Variants in FOLH1 observed in about 807,000 individuals in gnomAD.
FOLH1 encodes the protein glutamate carboxypeptidase 2.
A neutral mutation model predicts 93.9 loss-of-function variants in FOLH1; 54 were observed. That is an observed-to-expected ratio of 0.57 (90% CI 0.46 to 0.72). The LOEUF is 0.72. Ranked by LOEUF, FOLH1 falls within the 30% of genes least tolerant of loss-of-function variation. FOLH1 has a pLI of 0.00. For missense variants in FOLH1, 571 were observed against 892.5 expected (o/e 0.64, Z 4.59); for synonymous variants, 249 against 303.6 (o/e 0.82, Z 1.87).
chr11:49,166,995 A>G (rs1285811579), intron 12 of FOLH1, among the ~76,000 whole-genome samples: 1 of 151,702 alleles, frequency 6.6e-6, no homozygotes, highest in Non-Finnish European at 1.5e-5. Context: ...ACTATCCTGG[A>G]CAATACTACA....
chr11:49,160,504 G>A (rs202725), intron 13 of FOLH1, among the ~76,000 whole-genome samples: 2,801 of 151,748 alleles, frequency 0.018, 52 homozygotes, highest in Admixed American at 0.063. Context: ...GTGCAGTGAC[G>A]TGATCTCAGC....
chr11:49,173,606 A>G (rs1171356813), intron 9 of FOLH1, 130 bp from the exon 10 acceptor site: 1 of 939,346 alleles, frequency 1.1e-6, no homozygotes, highest in East Asian at 2.9e-5. Context: ...GTTCCCCAAG[A>G]TTTGTGAAAA....
chr11:49,194,630 T>C (rs938269935), intron 3 of FOLH1, among the ~76,000 whole-genome samples: 90 of 152,076 alleles, frequency 5.9e-4, no homozygotes, highest in African/African-American at 2.1e-3. Context: ...CTAAATATTG[T>C]ATATCAGAAT....
At chr11:49,166,333 T>C in intron 12 of FOLH1, among the ~76,000 whole-genome samples, 1 of 152,214 alleles carries the variant, frequency 6.6e-6, no homozygotes, top group East Asian at 1.9e-4. Context: ...GAGTCTAAGC[T>C]CAACCCTTCA....
chr11:49,173,448 C>T lies in FOLH1; in HGVS notation c.1134G>A (p.Arg378=), dbSNP rs1337531424. The T allele has an allele frequency of 1.2e-6, 2 of 1,608,604 alleles. No individual in the cohort carries two copies. The highest frequency in any genetic ancestry group is 1.3e-5 in the African/African-American group (1 of 74,802). Residue 378 remains arginine (R), a synonymous_variant, in exon 10 of 19, where the codon CGG becomes CGA. Coordinates refer to ENST00000256999, the MANE Select transcript of FOLH1 (RefSeq NM_004476.3). ...PDRYVILGGH[R]DSWVFGGIDP... Reference sequence around the variant, plus strand: ...CAATACCACCAAACACCCATGAGTCCCGGTGACCTCCCAGAATGACATATC... The same window carrying T: ...CAATACCACCAAACACCCATGAGTCTCGGTGACCTCCCAGAATGACATATC...
intron 15 of FOLH1, among the ~76,000 whole-genome samples, chr11:49,156,282 T>G (rs931675724): frequency 6.6e-6 from 1 of 152,146 alleles, no homozygotes; most frequent in Non-Finnish European, 1.5e-5. Context: ...TAATGACTTG[T>G]TATTTGTTTA....
At chr11:49,165,915 G>T (rs1327811856) in intron 12 of FOLH1, among the ~76,000 whole-genome samples, 3 of 152,168 alleles carry the variant, frequency 2.0e-5, no homozygotes, top group Non-Finnish European at 4.4e-5. Context: ...TTGGGGAGTG[G>T]AGTAGTTTGG....
intron 17 of FOLH1, 27 bp downstream of exon 17, chr11:49,153,819 A>G: frequency 6.7e-7 from 1 of 1,487,664 alleles, no homozygotes; most frequent in Non-Finnish European, 9.1e-7. Context: ...ACACATACAC[A>G]CATATGCACA....
intron 1 of FOLH1, chr11:49,207,944 CAAACAAACAAAACAAAACA>C: frequency 8.2e-6 from 4 of 485,910 alleles, no homozygotes; most frequent in Non-Finnish European, 1.5e-5. Context: ...AAAAAACAAA[CAAACAAACAAAACAAAACA>C]AAACAAAACA....
intron 7 of FOLH1, among the ~76,000 whole-genome samples, chr11:49,177,685 C>T (rs1291026454): frequency 7.3e-5 from 11 of 150,796 alleles, no homozygotes; most frequent in African/African-American, 2.0e-4. Context: ...CGGTGGCTCA[C>T]GCCTGTAATC....
intron 3 of FOLH1, among the ~76,000 whole-genome samples, chr11:49,193,414 G>T (rs113021931): frequency 1.1e-4 from 16 of 152,216 alleles, no homozygotes; most frequent in African/African-American, 3.9e-4. Flanking sequence ...AACTTGTAAG[G>T]ACTAGCTTTC....
At chr11:49,173,238 T>C in intron 10 of FOLH1, 119 bp downstream of exon 10, 1 of 1,084,744 alleles carries the variant, frequency 9.2e-7, no homozygotes, top group Non-Finnish European at 1.2e-6. Flanking sequence ...CTGAAAATTG[T>C]ATTAGTATTT....
At chr11:49,180,349 C>T (rs1283579844) in intron 7 of FOLH1, among the ~76,000 whole-genome samples, 2 of 152,110 alleles carry the variant, frequency 1.3e-5, no homozygotes, top group Admixed American at 1.3e-4. Context: ...AAATTAAAAC[C>T]ACATAATCAC....
intron 13 of FOLH1, among the ~76,000 whole-genome samples, chr11:49,161,087 G>A (rs578256474): frequency 1.3e-3 from 201 of 152,300 alleles, no homozygotes; most frequent in Middle Eastern, 6.8e-3. Context: ...GGGCTGATGA[G>A]AAGAATGTCT....
intron 12 of FOLH1, among the ~76,000 whole-genome samples, chr11:49,165,671 A>C (rs1858303281): frequency 6.6e-6 from 1 of 152,250 alleles, no homozygotes; most frequent in Non-Finnish European, 1.5e-5. Flanking sequence ...GCGAATGCCC[A>C]GAAATGTAAA....
intron 4 of FOLH1, among the ~76,000 whole-genome samples, chr11:49,191,055 C>T (rs552226332): frequency 6.6e-6 from 1 of 152,288 alleles, no homozygotes; most frequent in Non-Finnish European, 1.5e-5. Flanking sequence ...GCAGGCAGAT[C>T]ACCTGAGGTC....
chr11:49,148,742 A>G lies in FOLH1; in HGVS notation c.1971-11T>C. ...CTTAATACTATTGGGCTGAGAAAGA[A>G]AATGAATATAATTATAACTTCATGA... On this transcript the variant is annotated splice_polypyrimidine_tract_variant and intron_variant, in intron 17 of 18. Coordinates refer to ENST00000256999, the MANE Select transcript of FOLH1 (RefSeq NM_004476.3). The G allele has an allele frequency of 6.5e-7, 1 of 1,544,188 alleles. No homozygotes were observed. Among genetic ancestry groups the G allele is most frequent in the South Asian group, 1.2e-5 (1 of 82,082 alleles).
intron 15 of FOLH1, among the ~76,000 whole-genome samples, chr11:49,156,111 CTT>C (rs1353625515): frequency 1.3e-5 from 2 of 152,006 alleles, no homozygotes; most frequent in Non-Finnish European, 2.9e-5. Flanking sequence ...TAAGATGTAA[CTT>C]TGCTCCTCAC....
At chr11:49,172,855 C>T (rs1221868429) in intron 10 of FOLH1, among the ~76,000 whole-genome samples, 2 of 152,318 alleles carry the variant, frequency 1.3e-5, no homozygotes, top group African/African-American at 4.8e-5. Flanking sequence ...TGTGAGAGCA[C>T]ACCAGGGCTC....
Sources: gnomAD v4.1 joint callset for allele counts (sites outside exome capture counted in the v4.1 genomes callset) on GRCh38, gnomAD v4.1.1 for gene constraint, MANE v1.5 for transcripts, NCBI Gene and HGNC (gene_info 2026-07-23, HGNC 2026-07-21) for gene names.